Variants in LYAR observed in about 807,000 individuals in gnomAD.
The protein encoded by LYAR is cell growth-regulating nucleolar protein.
A neutral mutation model predicts 45.2 loss-of-function variants in LYAR; 37 were observed. That is an observed-to-expected ratio of 0.82 (90% CI 0.63 to 1.08). The LOEUF is 1.08. Among genes scored for constraint, LYAR ranks in the 50% least tolerant of loss-of-function variants. LYAR has a pLI of 0.00. For synonymous variants in LYAR, 176 were observed against 155.1 expected (o/e 1.14, Z -1.00); for missense variants, 493 against 451.0 (o/e 1.09, Z -0.84).
chr4:4,282,954 T>C (rs2916441), intron 3 of LYAR, among the ~76,000 whole-genome samples: 131,109 of 152,144 alleles, frequency 0.86, 56,573 homozygotes, highest in African/African-American at 0.88. Flanking sequence ...GATGGGCATG[T>C]GATACCCATG....
At chr4:4,288,987 C>T (rs1050378851) in intron 1 of LYAR, among the ~76,000 whole-genome samples, 1 of 152,218 alleles carries the variant, frequency 6.6e-6, no homozygotes, top group Non-Finnish European at 1.5e-5. Context: ...GTCAGGCCAA[C>T]TTGACAAGAC....
chr4:4,272,110 G>A (rs1001735585), intron 8 of LYAR, among the ~76,000 whole-genome samples: 8 of 152,186 alleles, frequency 5.3e-5, no homozygotes, highest in African/African-American at 1.9e-4. Flanking sequence ...GGCTACAAGA[G>A]GGCAGCAGGA....
At chr4:4,280,626 A>G (rs1175031953) in intron 4 of LYAR, among the ~76,000 whole-genome samples, 1 of 152,178 alleles carries the variant, frequency 6.6e-6, no homozygotes, top group Admixed American at 6.6e-5. Context: ...AGACCCATGC[A>G]CCTCAACCTT....
At chr4:4,272,824 G>A (rs1718993724) in intron 8 of LYAR, among the ~76,000 whole-genome samples, 1 of 152,208 alleles carries the variant, frequency 6.6e-6, no homozygotes, top group South Asian at 2.1e-4. Context: ...TAATAAAGCT[G>A]CAGGCCCATT....
intron 6 of LYAR, among the ~76,000 whole-genome samples, chr4:4,279,127 C>T (rs780464785): frequency 7.9e-5 from 12 of 151,618 alleles, no homozygotes; most frequent in Non-Finnish European, 1.3e-4. Context: ...GAATTCGAGA[C>T]CAGCCTGCTT....
At chr4:4,273,440 TGAAAGTGGTAC>T in intron 8 of LYAR, 132 bp downstream of exon 8, 1 of 611,154 alleles carries the variant, frequency 1.6e-6, no homozygotes, top group Non-Finnish European at 2.9e-6. Context: ...TCTCGCTTTT[TGAAAGTGGTAC>T]GCCCATGGCT....
chr4:4,272,613 T>G (rs1194604129), intron 8 of LYAR, among the ~76,000 whole-genome samples: 3 of 152,178 alleles, frequency 2.0e-5, no homozygotes, highest in Non-Finnish European at 4.4e-5. Context: ...TCCTCACCCT[T>G]CTTGTGGTGA....
Position 4,274,528 on chromosome 4 carries a change from T to G in LYAR, c.671A>C (p.Lys224Thr). ...NSRNQKPKKRKKGQEADLEAG... is the reference protein window; with the variant it reads ...NSRNQKPKKRTKGQEADLEAG... ...CTCAAGGTCAGCCTCCTGTCCCTTT[T>G]TGCGCTTCTTAGGCTTCTGATTCCT... is the stretch of plus-strand genomic sequence containing the variant. The change falls in exon 7 of 10, where the codon AAA (lysine) becomes ACA (threonine). Residue 224 changes from lysine (K) to threonine (T), a missense_variant. Transcript: ENST00000343470. The G allele has an allele frequency of 6.2e-7, 1 of 1,614,224 alleles. No homozygotes were observed. Among genetic ancestry groups the G allele is most frequent in the Non-Finnish European group, 8.5e-7 (1 of 1,180,044 alleles).
chr4:4,274,245 C>CAAA, intron 7 of LYAR, 122 bp downstream of exon 7: 46 of 1,001,480 alleles, frequency 4.6e-5, no homozygotes, highest in Non-Finnish European at 5.7e-5. Context: ...TCAAAAAAAA[C>CAAA]AAAAAAAAAA....
At chr4:4,286,421 C>T (rs1329410327) in intron 2 of LYAR, 98 bp downstream of exon 2, 1 of 152,142 alleles carries the variant, frequency 6.6e-6, no homozygotes, top group African/African-American at 2.4e-5. Context: ...AGCGTAAATG[C>T]TACAAACTTA....
intron 6 of LYAR, among the ~76,000 whole-genome samples, chr4:4,275,334 T>C (rs1414071791): frequency 1.3e-5 from 2 of 152,156 alleles, no homozygotes; most frequent in Non-Finnish European, 2.9e-5. Flanking sequence ...CCATTGTGTG[T>C]GAAGAGTTTT....
intron 2 of LYAR, among the ~76,000 whole-genome samples, chr4:4,285,429 GA>G (rs1167064203): frequency 4.6e-5 from 7 of 152,202 alleles, no homozygotes; most frequent in African/African-American, 1.7e-4. Flanking sequence ...AAAAAAGGCA[GA>G]GGGATGATCA....
At chr4:4,284,910 G>A (rs922340505) in intron 2 of LYAR, among the ~76,000 whole-genome samples, 6 of 152,288 alleles carry the variant, frequency 3.9e-5, no homozygotes, top group Non-Finnish European at 7.3e-5. Context: ...CAGTACAAAT[G>A]ATCTACCCTT....
intron 8 of LYAR, among the ~76,000 whole-genome samples, chr4:4,269,849 C>T (rs1038721563): frequency 2.6e-4 from 39 of 152,298 alleles, no homozygotes; most frequent in Non-Finnish European, 2.4e-4. Context: ...CACACACACA[C>T]GTAAACTATG....
intron 8 of LYAR, among the ~76,000 whole-genome samples, chr4:4,271,586 T>C (rs1406570922): frequency 2.0e-5 from 3 of 152,192 alleles, no homozygotes. Flanking sequence ...CTGAGGAACC[T>C]CCAAGCGGTT....
intron 6 of LYAR, 117 bp downstream of exon 6, chr4:4,279,330 T>C (rs1719306432): frequency 1.4e-6 from 1 of 716,378 alleles, no homozygotes; most frequent in Non-Finnish European, 2.3e-6. Flanking sequence ...AGACTCCATC[T>C]CAAAAAAATA....
chr4:4,274,854 T>C, intron 6 of LYAR, 85 bp from the exon 7 acceptor site: 1 of 1,326,080 alleles, frequency 7.5e-7, no homozygotes, highest in Non-Finnish European at 1.0e-6. Context: ...GCCTACTACA[T>C]AAACTGTTCA....
intron 6 of LYAR, among the ~76,000 whole-genome samples, chr4:4,274,979 C>CT (rs1719121295): frequency 1.3e-5 from 2 of 152,224 alleles, no homozygotes; most frequent in Admixed American, 1.3e-4. Context: ...CCACACCCCT[C>CT]TGTCTGCACA....
intron 6 of LYAR, among the ~76,000 whole-genome samples, chr4:4,276,717 C>T (rs1159688034): frequency 1.3e-5 from 2 of 151,256 alleles, no homozygotes; most frequent in Non-Finnish European, 2.9e-5. Flanking sequence ...ATTAGCCAGG[C>T]GTGGTGGCAA....
Sources: gnomAD v4.1 joint callset for allele counts (sites outside exome capture counted in the v4.1 genomes callset) on GRCh38, gnomAD v4.1.1 for gene constraint, MANE v1.5 for transcripts, NCBI Gene and HGNC (gene_info 2026-07-23, HGNC 2026-07-21) for gene names.